Variants in PIAS2 observed in about 807,000 individuals in gnomAD.
PIAS2 encodes E3 SUMO-protein ligase PIAS2.
Under a neutral mutation model 69.7 loss-of-function variants are expected in PIAS2, and 19 were observed. The observed-to-expected ratio is 0.27, with a 90% CI of 0.19 to 0.40. PIAS2 has a LOEUF of 0.40. PIAS2 is among the 10% of genes least tolerant of loss of function. The pLI is 1.00. For synonymous variants in PIAS2, 261 were observed against 263.2 expected (o/e 0.99, Z 0.08); for missense variants, 624 against 757.0 (o/e 0.82, Z 2.06).
intron 1 of PIAS2, among the ~76,000 whole-genome samples, chr18:46,897,765 C>G (rs2055129869): frequency 6.6e-6 from 1 of 152,106 alleles, no homozygotes; most frequent in Non-Finnish European, 1.5e-5. Context: ...AGCTAATATA[C>G]TAAAAATGAA....
intron 1 of PIAS2, among the ~76,000 whole-genome samples, chr18:46,893,222 T>C (rs182956882): frequency 6.6e-4 from 100 of 152,330 alleles, no homozygotes; most frequent in Non-Finnish European, 1.1e-3. Flanking sequence ...AGTAATACGA[T>C]GCATCTTTCC....
intron 13 of PIAS2, among the ~76,000 whole-genome samples, chr18:46,814,713 C>T (rs1005053946): frequency 6.6e-6 from 1 of 152,134 alleles, no homozygotes; most frequent in Non-Finnish European, 1.5e-5. Context: ...TTTCTCATGC[C>T]TTCTCCTCCT....
At chr18:46,901,353 G>A (rs1374437014) in intron 1 of PIAS2, 2 of 250,824 alleles carry the variant, frequency 8.0e-6, no homozygotes, top group East Asian at 1.4e-4. Context: ...ACGTTGTGGT[G>A]AGCCAGGATC....
chr18:46,920,015 A>G (rs1273848956), upstream of PIAS2: 1 of 1,267,240 alleles, frequency 7.9e-7, no homozygotes, highest in Non-Finnish European at 1.0e-6. Context: ...CAACATAAAC[A>G]CAAAACAGTA....
At chr18:46,916,645 T>C (rs2057948471) in intron 1 of PIAS2, among the ~76,000 whole-genome samples, 1 of 152,162 alleles carries the variant, frequency 6.6e-6, no homozygotes, top group Non-Finnish European at 1.5e-5. Flanking sequence ...AAAAAAATAT[T>C]TTTCCTCAAG....
At chr18:46,817,451 G>A in intron 12 of PIAS2, 1 of 959,052 alleles carries the variant, frequency 1.0e-6, no homozygotes, top group Non-Finnish European at 1.2e-6. Context: ...AATACCCACT[G>A]AGGATCCTAT....
intron 2 of PIAS2, among the ~76,000 whole-genome samples, chr18:46,873,402 G>T (rs1326211008): frequency 6.6e-6 from 1 of 152,088 alleles, no homozygotes; most frequent in African/African-American, 2.4e-5. Flanking sequence ...TTTCAAAACA[G>T]GACATCTATT....
intron 2 of PIAS2, among the ~76,000 whole-genome samples, chr18:46,889,707 A>G (rs2053761868): frequency 6.6e-6 from 1 of 152,220 alleles, no homozygotes; most frequent in African/African-American, 2.4e-5. Context: ...TATGTGATCC[A>G]GCAATTCCAC....
chr18:46,832,705 CTAT>C (rs746394782), intron 9 of PIAS2, among the ~76,000 whole-genome samples: 2 of 151,530 alleles, frequency 1.3e-5, no homozygotes, highest in Non-Finnish European at 2.9e-5. Flanking sequence ...AGCCTGGCCA[CTAT>C]GGCGAAACCC....
rs767953769 is a variant in PIAS2, at chr18:46,844,400, G to A, written c.968-273C>T. ...AAGAACAAAACAACAATTAGGAGAGGAAGCTGGAATGCAGCAGTACCCTGA... is the reference window on the plus strand; with the variant it reads ...AAGAACAAAACAACAATTAGGAGAGAAAGCTGGAATGCAGCAGTACCCTGA... On this transcript the variant is annotated intron_variant, in intron 7 of 13. Coordinates refer to ENST00000585916, the MANE Select transcript of PIAS2 (RefSeq NM_004671.5). Among the ~76,000 whole-genome samples, 24 of 152,088 alleles carry A rather than the reference G, an allele frequency of 1.6e-4. 1 individual carries two copies. Among genetic ancestry groups the A allele is most frequent in the Non-Finnish European group, 2.5e-4 (17 of 67,984 alleles).
At position 46,806,352 on chromosome 18, in the gene PIAS2, A is replaced by ACTTTTTT. The variant is rs2040684982; in HGVS notation, c.*6074_*6080dup. ...GAAAATTCTTTGCACAATGCCTGTTACTTTTTTTTTTTTTTTTTTTTTTTT... is the reference window on the plus strand; with the variant it reads ...GAAAATTCTTTGCACAATGCCTGTTACTTTTTTCTTTTTTTTTTTTTTTTTTTTTTTT... On this transcript the variant is annotated 3_prime_UTR_variant, in exon 14 of 14. Coordinates refer to ENST00000585916, the MANE Select transcript of PIAS2 (RefSeq NM_004671.5). 2.4e-5 allele frequency: 1 copy of ACTTTTTT among 42,018 alleles called. No homozygotes were observed. Among genetic ancestry groups the ACTTTTTT allele is most frequent in the Non-Finnish European group, 5.9e-5 (1 of 16,860 alleles). The allele number at this position is 42,018 out of a possible 1,614,324, so 2.6% of individuals were successfully genotyped here.
intron 13 of PIAS2, among the ~76,000 whole-genome samples, chr18:46,814,450 G>A (rs774433256): frequency 1.4e-4 from 22 of 152,024 alleles, no homozygotes; most frequent in Non-Finnish European, 2.5e-4. Flanking sequence ...AGGTACCTTC[G>A]TTATATATAC....
At chr18:46,864,943 T>C (rs1377638644) in intron 2 of PIAS2, among the ~76,000 whole-genome samples, 1 of 152,178 alleles carries the variant, frequency 6.6e-6, no homozygotes, top group Non-Finnish European at 1.5e-5. Flanking sequence ...ATTTTGCTTT[T>C]GGTGCTCTGT....
At chr18:46,840,571 C>T (rs900096576) in intron 8 of PIAS2, among the ~76,000 whole-genome samples, 12 of 152,112 alleles carry the variant, frequency 7.9e-5, no homozygotes, top group Admixed American at 2.0e-4. Flanking sequence ...CCACAGCATA[C>T]AGAAACGAGA....
intron 9 of PIAS2, among the ~76,000 whole-genome samples, chr18:46,833,652 G>C (rs1237349535): frequency 6.6e-6 from 1 of 152,184 alleles, no homozygotes; most frequent in Non-Finnish European, 1.5e-5. Flanking sequence ...GAACATGGCA[G>C]AATGTATTAT....
rs200927393 is a variant in PIAS2, at chr18:46,844,725, A to C, written c.967+9T>G. ...TTTTAAATGCTTGGTCTTATTAAAC[A>C]TTACTTACTTAGTGCTCTGGAATGA... On this transcript the variant is annotated intron_variant, in intron 7 of 13. Coordinates refer to ENST00000585916, the MANE Select transcript of PIAS2 (RefSeq NM_004671.5). 3.5e-5 allele frequency: 38 copies of C among 1,100,354 alleles called. No homozygotes were observed. The highest frequency in any genetic ancestry group is 4.6e-5 in the Non-Finnish European group (37 of 798,192). 68.2% of individuals were successfully genotyped at this position (1,100,354 alleles called of 1,614,324 possible). A position where few individuals can be genotyped will look rare whatever the true frequency, so the allele number is the denominator to read the frequency against.
chr18:46,913,860 T>C (rs764134576), intron 1 of PIAS2, among the ~76,000 whole-genome samples: 1 of 152,174 alleles, frequency 6.6e-6, no homozygotes, highest in Non-Finnish European at 1.5e-5. Flanking sequence ...TGGAGTGCAG[T>C]GTCAAGATCA....
chr18:46,898,142 A>G (rs551737310), intron 1 of PIAS2, among the ~76,000 whole-genome samples: 1 of 152,140 alleles, frequency 6.6e-6, no homozygotes, highest in East Asian at 1.9e-4. Flanking sequence ...GGTGTGAGCT[A>G]CTACACCAAG....
intron 1 of PIAS2, among the ~76,000 whole-genome samples, chr18:46,916,616 T>C (rs2057941913): frequency 6.6e-6 from 1 of 152,188 alleles, no homozygotes; most frequent in Non-Finnish European, 1.5e-5. Context: ...AGTTATGATC[T>C]TGTTTTAAGA....
Sources: allele counts gnomAD v4.1 joint callset (sites outside exome capture counted in the v4.1 genomes callset), GRCh38; gene constraint gnomAD v4.1.1; transcripts MANE v1.5; gene names NCBI Gene and HGNC (gene_info 2026-07-23, HGNC 2026-07-21).